The following KCNMB2 variants were observed in gnomAD, a reference collection of about 807,000 sequenced individuals.
KCNMB2 encodes calcium-activated potassium channel subunit beta-2.
Under a neutral mutation model 24.5 loss-of-function variants are expected in KCNMB2, and 9 were observed. That is an observed-to-expected ratio of 0.37 (90% CI 0.22 to 0.64). KCNMB2 has a LOEUF of 0.64. Among genes scored for constraint, KCNMB2 ranks in the 30% least tolerant of loss-of-function variants. The pLI is 0.63. For synonymous variants in KCNMB2, 109 were observed against 104.4 expected (o/e 1.04, Z -0.27); for missense variants, 226 against 284.3 (o/e 0.79, Z 1.47).
Position 178,777,526 on chromosome 3 carries a change from A to G in KCNMB2, c.-67-29817A>G, listed in dbSNP as rs150545568. Among the ~76,000 whole-genome samples the G allele has an allele frequency of 3.0e-3, 457 of 152,340 alleles. 2 individuals carry two copies. The highest frequency in any genetic ancestry group is 0.011 in the African/African-American group (437 of 41,578). Reference sequence around the variant, plus strand: ...CAATCCAGAGTGTTGAACCAGGAACATTAGTGGAACTCTTGGGAAACAAAT... The same window carrying G: ...CAATCCAGAGTGTTGAACCAGGAACGTTAGTGGAACTCTTGGGAAACAAAT... On this transcript the variant is annotated intron_variant, in intron 1 of 4. Transcript: ENST00000452583.
chr3:178,781,851 A>G (rs1300468083), intron 1 of KCNMB2, among the ~76,000 whole-genome samples: 1 of 150,188 alleles, frequency 6.7e-6, no homozygotes, highest in East Asian at 2.0e-4. Context: ...CAGGTTAGTT[A>G]CATATGTATA....
chr3:178,833,071 C>CTT (rs1461889502), intron 4 of KCNMB2, among the ~76,000 whole-genome samples: 27 of 22,954 alleles, frequency 1.2e-3, no homozygotes, highest in African/African-American at 2.8e-3. Flanking sequence ...CCACTTACTT[C>CTT]TGCCAGGTAC....
At chr3:178,548,308 C>T (rs1715840637) in intron 1 of KCNMB2, among the ~76,000 whole-genome samples, 1 of 152,140 alleles carries the variant, frequency 6.6e-6, no homozygotes, top group East Asian at 1.9e-4. Flanking sequence ...TGGGTTTCTT[C>T]TGCCTAGATC....
Position 178,807,464 on chromosome 3 carries a change from A to C in KCNMB2, c.55A>C (p.Arg19=). Residue 19 remains arginine (R), a splice_region_variant and synonymous_variant, in exon 2 of 5, where the codon AGA becomes CGA. Transcript: ENST00000452583. The stretch of plus-strand genomic sequence containing the variant: ...TTCATCTTATAGACATGATGAAAAA[A>C]GGTAAATGCACTGGGATTCTGGGCA... ...TSSSYRHDEK[R]NIYQKIRDHD... 6.2e-7 allele frequency: 1 copy of C among 1,612,996 alleles called. No homozygotes were observed. The highest frequency in any genetic ancestry group is 8.5e-7 in the Non-Finnish European group (1 of 1,179,004).
At chr3:178,667,600 G>A (rs1560156852) in intron 1 of KCNMB2, among the ~76,000 whole-genome samples, 1 of 152,082 alleles carries the variant, frequency 6.6e-6, no homozygotes, top group Non-Finnish European at 1.5e-5. Flanking sequence ...GACACCATAT[G>A]AGGACACAGT....
rs774991483 is a variant in KCNMB2 at position 178,757,830 on chromosome 3, C to CATCCAAGAGGATATATATATATATATAT, written c.-67-49493_-67-49492insATATATATATCCAAGAGGATATATATAT. Among the ~76,000 whole-genome samples the CATCCAAGAGGATATATATATATATATAT allele has an allele frequency of 3.5e-4, 16 of 46,182 alleles. 2 individuals are homozygous for CATCCAAGAGGATATATATATATATATAT. Among genetic ancestry groups the CATCCAAGAGGATATATATATATATATAT allele is most frequent in the Non-Finnish European group, 3.8e-4 (10 of 26,132 alleles). The allele number at this position is 46,182 out of a possible 152,430, so 30.3% of individuals were successfully genotyped here. A position where few individuals can be genotyped will look rare whatever the true frequency, so the allele number is the denominator to read the frequency against. ...CCAAGAGGATATATATATACACATC[C>CATCCAAGAGGATATATATATATATATAT]ATCCAAGAGGATATATATATCCAAG... is the stretch of plus-strand genomic sequence containing the variant. On this transcript the variant is annotated intron_variant, in intron 1 of 4. Coordinates refer to ENST00000452583, the MANE Select transcript of KCNMB2 (RefSeq NM_181361.3).
At chr3:178,557,210 G>A (rs979663705) in intron 1 of KCNMB2, among the ~76,000 whole-genome samples, 2 of 152,108 alleles carry the variant, frequency 1.3e-5, no homozygotes, top group Non-Finnish European at 2.9e-5. Context: ...TTTCCCAGGT[G>A]ATTCAAATCT....
chr3:178,686,150 C>T (rs183749621), intron 1 of KCNMB2, among the ~76,000 whole-genome samples: 284 of 152,076 alleles, frequency 1.9e-3, no homozygotes, highest in Non-Finnish European at 3.3e-3. Flanking sequence ...TTTTTCTCAC[C>T]CATTCTACAT....
chr3:178,757,291 G>GATAT (rs10693232), intron 1 of KCNMB2, among the ~76,000 whole-genome samples: 4 of 67,062 alleles, frequency 6.0e-5, no homozygotes, highest in Non-Finnish European at 1.4e-4. Context: ...TATCCAAGAG[G>GATAT]ATATATATAT....
At chr3:178,696,052 G>A (rs1265456502) in intron 1 of KCNMB2, among the ~76,000 whole-genome samples, 1 of 152,186 alleles carries the variant, frequency 6.6e-6, no homozygotes, top group Non-Finnish European at 1.5e-5. Context: ...TTGGCTGGGA[G>A]GCCTCAGGAA....
At chr3:178,804,111 C>G (rs1161273034) in intron 1 of KCNMB2, among the ~76,000 whole-genome samples, 1 of 152,208 alleles carries the variant, frequency 6.6e-6, no homozygotes, top group Non-Finnish European at 1.5e-5. Context: ...ACGCAGATCT[C>G]TGTTTTACGT....
chr3:178,787,101 A>G (rs2108437044), intron 1 of KCNMB2, among the ~76,000 whole-genome samples: 1 of 151,644 alleles, frequency 6.6e-6, no homozygotes, highest in South Asian at 2.1e-4. Context: ...TCCATGGCTC[A>G]CTCTTTTCTT....
At chr3:178,768,950 T>C (rs1385889634) in intron 1 of KCNMB2, among the ~76,000 whole-genome samples, 1 of 137,810 alleles carries the variant, frequency 7.3e-6, no homozygotes, top group East Asian at 2.0e-4. Flanking sequence ...TGTACCAACA[T>C]TGCACGGTGA....
At chr3:178,806,744 C>T (rs1460163421) in intron 1 of KCNMB2, among the ~76,000 whole-genome samples, 1 of 151,728 alleles carries the variant, frequency 6.6e-6, no homozygotes. Context: ...AATATCTTGA[C>T]TCTAGAGCCT....
At chr3:178,678,325 T>C (rs1721142712) in intron 1 of KCNMB2, among the ~76,000 whole-genome samples, 1 of 152,230 alleles carries the variant, frequency 6.6e-6, no homozygotes, top group East Asian at 1.9e-4. Context: ...TGACATGGCC[T>C]CAGATCCCAT....
intron 1 of KCNMB2, among the ~76,000 whole-genome samples, chr3:178,628,031 A>G (rs761261420): frequency 2.6e-5 from 4 of 152,220 alleles, no homozygotes; most frequent in Non-Finnish European, 5.9e-5. Flanking sequence ...TTAATTAAGA[A>G]AATGACTTCA....
chr3:178,759,783 T>C (rs1577163582), intron 1 of KCNMB2, among the ~76,000 whole-genome samples: 1 of 27,108 alleles, frequency 3.7e-5, no homozygotes, highest in Non-Finnish European at 5.7e-5. Context: ...AGGATATATC[T>C]ATATATATAT....
In KCNMB2 at chr3:178,786,519, C is replaced by T. The variant is rs940060933; in HGVS notation, c.-67-20824C>T. The stretch of plus-strand genomic sequence containing the variant: ...CCCAAGATGCCCAACTCTAGAAATG[C>T]AGCCCATAGAAATCATTAACAAGGA... On this transcript the variant is annotated intron_variant, in intron 1 of 4. Transcript: ENST00000452583. 3.3e-5 allele frequency among the ~76,000 whole-genome samples: 5 copies of T among 152,130 alleles called. No individual in the cohort carries two copies. In the East Asian group the frequency reaches 7.7e-4, roughly 23 times the overall value.
chr3:178,663,797 T>C (rs1189245089), intron 1 of KCNMB2, among the ~76,000 whole-genome samples: 3 of 152,134 alleles, frequency 2.0e-5, no homozygotes, highest in Non-Finnish European at 4.4e-5. Flanking sequence ...GCTTTCCCTA[T>C]AGGCATCTGG....
Sources: gnomAD v4.1 joint callset for allele counts (sites outside exome capture counted in the v4.1 genomes callset) on GRCh38, gnomAD v4.1.1 for gene constraint, MANE v1.5 for transcripts, NCBI Gene and HGNC (gene_info 2026-07-23, HGNC 2026-07-21) for gene names.